Variants in MMP20 observed in about 807,000 individuals in gnomAD.
The protein encoded by MMP20 is matrix metallopeptidase 20, also known as matrix metalloproteinase-20.
In MMP20, 50 loss-of-function variants were observed where a neutral mutation model predicts 51.8. The ratio of observed to expected loss-of-function variants is 0.97; its 90% CI spans 0.77 to 1.22. The LOEUF is 1.22. Ranked by LOEUF, MMP20 falls within the 50% of genes most tolerant of loss-of-function variation. The probability of loss-of-function intolerance (pLI) is 0.00; values close to 1 mark genes in which losing one functional copy is unlikely to be tolerated. For missense variants in MMP20, 663 were observed against 601.4 expected (o/e 1.10, Z -1.07); for synonymous variants, 244 against 216.2 (o/e 1.13, Z -1.13).
At chr11:102,620,550 C>G (rs974709006) in intron 1 of MMP20, among the ~76,000 whole-genome samples, 3 of 152,142 alleles carry the variant, frequency 2.0e-5, no homozygotes, top group African/African-American at 7.2e-5. Flanking sequence ...GGTCCTCTCT[C>G]CACTTCTCTT....
chr11:102,616,870 C>T lies in MMP20; in HGVS notation c.316G>A (p.Ala106Thr), dbSNP rs754356714. ...KKPRCGVPDV[A>T]NYRLFPGEPK... ...TCACCAGGGAAGAGGCGATAATTGG[C>T]CACATCAGGAACTCCACAGCGAGGC... Residue 106 changes from alanine to threonine, a missense_variant, in exon 2 of 10, where the codon GCC becomes ACC. Coordinates refer to ENST00000260228, the MANE Select transcript of MMP20 (RefSeq NM_004771.4). 3 of 1,614,130 alleles carry T rather than the reference C, an allele frequency of 1.9e-6. No homozygotes were observed. The highest frequency in any genetic ancestry group is 1.1e-5 in the South Asian group (1 of 91,080).
intron 1 of MMP20, among the ~76,000 whole-genome samples, chr11:102,622,420 C>T (rs1859762538): frequency 6.6e-6 from 1 of 152,134 alleles, no homozygotes; most frequent in Admixed American, 6.5e-5. Context: ...GTCACATGGG[C>T]CTGATGATTG....
chr11:102,623,538 G>A (rs553602396), intron 1 of MMP20, among the ~76,000 whole-genome samples: 4 of 152,236 alleles, frequency 2.6e-5, no homozygotes, highest in Admixed American at 1.3e-4. Flanking sequence ...TACTTCCCAC[G>A]TCCATGAAAA....
chr11:102,606,372 T>C (rs1299596362), intron 6 of MMP20, among the ~76,000 whole-genome samples, 163 bp downstream of exon 6: 1 of 152,238 alleles, frequency 6.6e-6, no homozygotes, highest in African/African-American at 2.4e-5. Context: ...GTTTTGGCAG[T>C]TCTCTATCTC....
At chr11:102,593,380 TC>T in intron 8 of MMP20, 58 bp downstream of exon 8, 1 of 1,576,286 alleles carries the variant, frequency 6.3e-7, no homozygotes, top group South Asian at 1.1e-5. Flanking sequence ...AGGGTTTTTA[TC>T]TTTTTAAAAT....
intron 5 of MMP20, 72 bp from the exon 6 acceptor site, chr11:102,606,748 C>T (rs1466993156): frequency 6.4e-7 from 1 of 1,567,124 alleles, no homozygotes; most frequent in Non-Finnish European, 8.8e-7. Flanking sequence ...TCTAGAGCCC[C>T]AGGGGAGGTT....
intron 5 of MMP20, chr11:102,607,517 A>C (rs1859533566): frequency 6.6e-6 from 1 of 152,402 alleles, no homozygotes; most frequent in Non-Finnish European, 1.5e-5. Context: ...TAAGGGTCAG[A>C]TGAGGTTTGA....
At chr11:102,611,686 G>T in intron 3 of MMP20, 69 bp downstream of exon 3, 1 of 1,569,040 alleles carries the variant, frequency 6.4e-7, no homozygotes, top group Non-Finnish European at 8.7e-7. Flanking sequence ...TCGAATTAAA[G>T]ATGTAGAAGG....
intron 3 of MMP20, among the ~76,000 whole-genome samples, chr11:102,611,235 T>C (rs1252555703): frequency 6.6e-6 from 1 of 152,078 alleles, no homozygotes; most frequent in Non-Finnish European, 1.5e-5. Context: ...AGTGGGAAAG[T>C]TGGAGGCAGA....
At chr11:102,603,076 G>A (rs912044081) in intron 6 of MMP20, among the ~76,000 whole-genome samples, 12 of 152,266 alleles carry the variant, frequency 7.9e-5, no homozygotes, top group Admixed American at 1.3e-4. Context: ...ATACACTATG[G>A]AGAATATCTG....
At position 102,609,972 on chromosome 11, in the gene MMP20, A is replaced by T. The variant is rs1313399831; in HGVS notation, c.582T>A (p.Ala194=). Residue 194 remains alanine, a synonymous_variant, in exon 4 of 10, where the codon GCT becomes GCA. Transcript: ENST00000260228. ...GPRGTLAHAF[A]PGEGLGGDTH... is the part of the protein sequence containing the mutation. ...TATCTCCTCCCAGGCCTTCTCCAGG[A>T]GCAAATGCATGGGCTAGAGTCCCCC... The T allele has an allele frequency of 6.2e-7, 1 of 1,614,192 alleles. No homozygotes were observed. Among genetic ancestry groups the T allele is most frequent in the Middle Eastern group, 1.6e-4 (1 of 6,062 alleles).
intron 6 of MMP20, 128 bp downstream of exon 6, chr11:102,606,407 C>T (rs976943695): frequency 3.2e-6 from 4 of 1,266,886 alleles, no homozygotes; most frequent in South Asian, 2.6e-5. Flanking sequence ...GCCTACCACC[C>T]TTCTGCTGCA....
In MMP20 at chr11:102,609,987, T is replaced by C; in HGVS notation, c.567A>G (p.Leu189=). The C allele has an allele frequency of 6.2e-7, 1 of 1,614,140 alleles. No individual in the cohort carries two copies. The highest frequency in any genetic ancestry group is 8.5e-7 in the Non-Finnish European group (1 of 1,179,996). ...CTTCTCCAGGAGCAAATGCATGGGC[T>C]AGAGTCCCCCGAGGCCCATCGAATG... is the stretch of plus-strand genomic sequence containing the variant. ...SYPFDGPRGT[L]AHAFAPGEGL... Residue 189 remains leucine, a synonymous_variant, in exon 4 of 10, where the codon CTA becomes CTG. Coordinates refer to ENST00000260228, the MANE Select transcript of MMP20 (RefSeq NM_004771.4).
intron 8 of MMP20, among the ~76,000 whole-genome samples, chr11:102,584,988 T>A (rs939638257): frequency 6.6e-6 from 1 of 152,206 alleles, no homozygotes; most frequent in Non-Finnish European, 1.5e-5. Context: ...TGTATGGCTA[T>A]CCTTATGCAA....
chr11:102,616,751 A>G, intron 2 of MMP20, 61 bp downstream of exon 2: 2 of 1,600,444 alleles, frequency 1.2e-6, no homozygotes, highest in South Asian at 1.1e-5. Flanking sequence ...TTTTTTCAAG[A>G]AAAGGGAAAA....
chr11:102,581,435 C>A (rs1230805689), intron 8 of MMP20, among the ~76,000 whole-genome samples: 1 of 152,108 alleles, frequency 6.6e-6, no homozygotes, highest in East Asian at 1.9e-4. Flanking sequence ...GTGTTGGAGG[C>A]AGTCCAGAGA....
chr11:102,604,475 T>G (rs1020588764), intron 6 of MMP20, among the ~76,000 whole-genome samples: 2 of 152,162 alleles, frequency 1.3e-5, no homozygotes, highest in Non-Finnish European at 2.9e-5. Flanking sequence ...TCCCTGCCAT[T>G]GTAAATATTT....
At chr11:102,611,929 T>C in intron 2 of MMP20, 26 bp from the exon 3 acceptor site, 2 of 1,612,998 alleles carry the variant, frequency 1.2e-6, no homozygotes, top group Non-Finnish European at 8.5e-7. Context: ...GAACATGTTT[T>C]CTTTTCAGTA....
intron 8 of MMP20, among the ~76,000 whole-genome samples, chr11:102,580,872 G>T (rs1411217208): frequency 1.3e-5 from 2 of 152,152 alleles, no homozygotes; most frequent in Non-Finnish European, 2.9e-5. Context: ...TTTTTATGCT[G>T]ACACAGACTG....
Sources: allele counts gnomAD v4.1 joint callset (sites outside exome capture counted in the v4.1 genomes callset), GRCh38; gene constraint gnomAD v4.1.1; transcripts MANE v1.5; gene names NCBI Gene and HGNC (gene_info 2026-07-23, HGNC 2026-07-21).